Variants in SPOCK1 observed in about 807,000 individuals in gnomAD.
The protein encoded by SPOCK1 is testican-1.
SPOCK1 carries 23 observed loss-of-function variants against 55.3 expected under a neutral mutation model. That is an observed-to-expected ratio of 0.42 (90% CI 0.30 to 0.59). The LOEUF (loss-of-function observed/expected upper bound fraction) is 0.59. Among genes scored for constraint, SPOCK1 ranks in the 20% least tolerant of loss-of-function variants. The probability of loss-of-function intolerance (pLI) is 0.22; values close to 1 mark genes in which losing one functional copy is unlikely to be tolerated. For synonymous variants in SPOCK1, 226 were observed against 221.0 expected, an observed-to-expected ratio of 1.02 and a Z score of -0.20; for missense variants, 499 against 552.5, an observed-to-expected ratio of 0.90 and a Z score of 0.97.
intron 2 of SPOCK1, among the ~76,000 whole-genome samples, chr5:137,466,124 G>C (rs1018876036): frequency 6.6e-6 from 1 of 152,166 alleles, no homozygotes; most frequent in African/African-American, 2.4e-5. Flanking sequence ...ACAATTACTC[G>C]ATTTAATTTC....
chr5:137,077,470 G>C (rs1397285840), intron 5 of SPOCK1, among the ~76,000 whole-genome samples: 1 of 152,192 alleles, frequency 6.6e-6, no homozygotes, highest in African/African-American at 2.4e-5. Flanking sequence ...TACAACCCTT[G>C]CTTGTCAACT....
intron 3 of SPOCK1, among the ~76,000 whole-genome samples, chr5:137,163,818 CA>C (rs1580785119): frequency 6.6e-6 from 1 of 152,332 alleles, no homozygotes; most frequent in East Asian, 1.9e-4. Flanking sequence ...ATGTGACTCT[CA>C]ATTTCCCTGT....
chr5:137,470,896 T>C (rs969491030), intron 2 of SPOCK1, among the ~76,000 whole-genome samples: 1 of 152,146 alleles, frequency 6.6e-6, no homozygotes, highest in African/African-American at 2.4e-5. Context: ...GGCTCTCTAG[T>C]GGGTTAGTCA....
intron 5 of SPOCK1, among the ~76,000 whole-genome samples, chr5:137,077,684 G>T (rs1752798553): frequency 6.6e-6 from 1 of 152,198 alleles, no homozygotes; most frequent in Admixed American, 6.5e-5. Flanking sequence ...CTAGCTAACA[G>T]ATTAACTGTG....
chr5:137,245,776 C>CAAAAAAAAAAA (rs143599362), intron 3 of SPOCK1, among the ~76,000 whole-genome samples: 2 of 140,858 alleles, frequency 1.4e-5, no homozygotes, highest in Non-Finnish European at 1.6e-5. Context: ...CAAAACAAAA[C>CAAAAAAAAAAA]AAAAAAAAAA....
chr5:137,373,772 G>T lies in SPOCK1; in HGVS notation c.187-106717C>A, dbSNP rs1751252343. ...TCTCCCCTCCAACTCTTGTACAGGA[G>T]GACAGTTACCAGCAGGAGCTCAGAA... is the stretch of plus-strand genomic sequence containing the variant. On this transcript the variant is annotated intron_variant, in intron 2 of 10. Coordinates refer to ENST00000394945, the MANE Select transcript of SPOCK1 (RefSeq NM_004598.4). 3.9e-5 allele frequency among the ~76,000 whole-genome samples: 6 copies of T among 152,230 alleles called. 1 individual carries two copies. In the South Asian group the frequency reaches 1.2e-3, roughly 32 times the overall value.
intron 4 of SPOCK1, among the ~76,000 whole-genome samples, chr5:137,112,778 T>C (rs1388387136): frequency 1.3e-5 from 2 of 149,464 alleles, no homozygotes; most frequent in Non-Finnish European, 3.0e-5. Flanking sequence ...CCAGATGGAC[T>C]GAGGAAAACA....
chr5:137,172,467 C>A (rs1296872920), intron 3 of SPOCK1, among the ~76,000 whole-genome samples: 1 of 152,146 alleles, frequency 6.6e-6, no homozygotes, highest in Non-Finnish European at 1.5e-5. Flanking sequence ...GCCCCTCTCC[C>A]CTGCAGGAAG....
At chr5:137,236,060 GA>G (rs1292152899) in intron 3 of SPOCK1, among the ~76,000 whole-genome samples, 1 of 152,208 alleles carries the variant, frequency 6.6e-6, no homozygotes, top group Non-Finnish European at 1.5e-5. Context: ...GTAGGGCTTA[GA>G]AAAAAATGAC....
chr5:137,257,222 C>T (rs1057172731), intron 3 of SPOCK1, among the ~76,000 whole-genome samples: 1 of 152,194 alleles, frequency 6.6e-6, no homozygotes, highest in African/African-American at 2.4e-5. Flanking sequence ...ACTGACATTT[C>T]CTTCATATCT....
At chr5:137,093,620 G>T (rs1328328215) in intron 5 of SPOCK1, among the ~76,000 whole-genome samples, 10 of 152,184 alleles carry the variant, frequency 6.6e-5, no homozygotes, top group African/African-American at 9.7e-5. Context: ...CAGCTCTGTT[G>T]TGTGGTGGTC....
chr5:137,193,478 C>G (rs565474347), intron 3 of SPOCK1, among the ~76,000 whole-genome samples: 2 of 152,238 alleles, frequency 1.3e-5, no homozygotes, highest in East Asian at 3.9e-4. Flanking sequence ...TACAGACATT[C>G]CAGGGATAGA....
chr5:137,276,660 A>G (rs1757073315), intron 2 of SPOCK1, among the ~76,000 whole-genome samples: 1 of 152,184 alleles, frequency 6.6e-6, no homozygotes, highest in Non-Finnish European at 1.5e-5. Context: ...CTTTGTCTCA[A>G]AACTGATGGT....
At chr5:137,491,283 T>C (rs1754171339) in intron 2 of SPOCK1, among the ~76,000 whole-genome samples, 1 of 152,234 alleles carries the variant, frequency 6.6e-6, no homozygotes, top group Non-Finnish European at 1.5e-5. Context: ...GAGATTGTGC[T>C]GGAATTGCGA....
At chr5:137,498,310 C>T (rs1408210104) in intron 2 of SPOCK1, 63 bp downstream of exon 2, 6 of 1,452,800 alleles carry the variant, frequency 4.1e-6, no homozygotes, top group African/African-American at 2.9e-5. Flanking sequence ...ACCCCAACCC[C>T]GCTTCAGGGG....
chr5:136,984,262 A>C (rs982277804), intron 9 of SPOCK1, among the ~76,000 whole-genome samples: 9 of 152,218 alleles, frequency 5.9e-5, no homozygotes, highest in Admixed American at 2.6e-4. Flanking sequence ...GACTGCCTAC[A>C]TTTGACAATC....
chr5:137,092,828 TA>T (rs1439685658), intron 5 of SPOCK1, among the ~76,000 whole-genome samples: 1 of 152,144 alleles, frequency 6.6e-6, no homozygotes. Flanking sequence ...CTGGGTAATT[TA>T]TAAAGGAAAG....
intron 3 of SPOCK1, among the ~76,000 whole-genome samples, chr5:137,239,558 G>C (rs1427191840): frequency 9.2e-5 from 14 of 152,082 alleles, no homozygotes; most frequent in Non-Finnish European, 1.9e-4. Context: ...TTGTAGGATT[G>C]AGTCCTTTAA....
chr5:137,050,954 C>T (rs1249730278), intron 6 of SPOCK1, among the ~76,000 whole-genome samples: 3 of 152,194 alleles, frequency 2.0e-5, no homozygotes, highest in Non-Finnish European at 2.9e-5. Flanking sequence ...GCCACATTTC[C>T]AGATGGAACA....
Sources: gnomAD v4.1 joint callset for allele counts (sites outside exome capture counted in the v4.1 genomes callset) on GRCh38, gnomAD v4.1.1 for gene constraint, MANE v1.5 for transcripts, NCBI Gene and HGNC (gene_info 2026-07-23, HGNC 2026-07-21) for gene names.